Variants in DRC8 observed in about 807,000 individuals in gnomAD.
The protein encoded by DRC8 is dynein regulatory complex subunit 8.
At chr1:245,031,421 G>C in the DRC8 span, among the ~76,000 whole-genome samples, 1 of 151,858 alleles carries the variant, frequency 6.6e-6, no homozygotes, top group South Asian at 2.1e-4. Context: ...TTCTAGGCCC[G>C]GTCCATGGAA....
At chr1:245,052,239 G>T in the DRC8 span, among the ~76,000 whole-genome samples, 1 of 152,174 alleles carries the variant, frequency 6.6e-6, no homozygotes, top group Non-Finnish European at 1.5e-5. Flanking sequence ...CATAGGCCAC[G>T]CTTTTTTATT....
the DRC8 span, among the ~76,000 whole-genome samples, chr1:245,118,240 T>C: frequency 3.3e-5 from 5 of 152,048 alleles, no homozygotes; most frequent in African/African-American, 1.2e-4. Context: ...CATTTTGAGA[T>C]TGAAATCGCA....
the DRC8 span, among the ~76,000 whole-genome samples, chr1:245,036,153 A>C: frequency 6.6e-6 from 1 of 152,234 alleles, no homozygotes; most frequent in Non-Finnish European, 1.5e-5. Flanking sequence ...TAAGGGGTCT[A>C]GTACCTGTAA....
chr1:245,002,044 T>C, the DRC8 span: 2 of 1,214,910 alleles, frequency 1.6e-6, no homozygotes, highest in Admixed American at 2.1e-5. Flanking sequence ...GGATGATTTA[T>C]TTTTTCATCA....
At chr1:244,987,411 G>C in the DRC8 span, among the ~76,000 whole-genome samples, 3 of 151,860 alleles carry the variant, frequency 2.0e-5, no homozygotes, top group African/African-American at 7.3e-5. Context: ...CACCATGTTG[G>C]CCAGGCTGGT....
chr1:244,989,905 CCATT>C, the DRC8 span, among the ~76,000 whole-genome samples: 3,329 of 152,294 alleles, frequency 0.022, 138 homozygotes, highest in African/African-American at 0.076. Context: ...CAGAAATAAA[CCATT>C]CATTTTAAAT....
At chr1:245,080,194 T>A in the DRC8 span, among the ~76,000 whole-genome samples, 1 of 152,184 alleles carries the variant, frequency 6.6e-6, no homozygotes, top group Non-Finnish European at 1.5e-5. Flanking sequence ...ATCTGCTGAA[T>A]TGGGATCTTT....
chr1:245,077,846 G>T, the DRC8 span, among the ~76,000 whole-genome samples: 1 of 152,064 alleles, frequency 6.6e-6, no homozygotes, highest in Non-Finnish European at 1.5e-5. Flanking sequence ...AAGAGCACAG[G>T]CAACAAAAGC....
the DRC8 span, among the ~76,000 whole-genome samples, chr1:245,031,817 A>C: frequency 6.6e-6 from 1 of 151,972 alleles, no homozygotes; most frequent in African/African-American, 2.4e-5. Flanking sequence ...GGTATGGGAG[A>C]GCGACCATCG....
chr1:245,048,629 G>A, the DRC8 span, among the ~76,000 whole-genome samples: 1 of 151,828 alleles, frequency 6.6e-6, no homozygotes, highest in African/African-American at 2.4e-5. Flanking sequence ...CTCATGATCT[G>A]CCACATTTGT....
At chr1:245,009,751 GCCAC>G in the DRC8 span, among the ~76,000 whole-genome samples, 2 of 152,202 alleles carry the variant, frequency 1.3e-5, no homozygotes, top group African/African-American at 4.8e-5. Flanking sequence ...ACAGGCGTGA[GCCAC>G]TGCGCCCAGC....
chr1:244,994,503 C>T, the DRC8 span, among the ~76,000 whole-genome samples: 956 of 152,254 alleles, frequency 6.3e-3, 6 homozygotes, highest in Middle Eastern at 0.014. Flanking sequence ...AATCTCGGCT[C>T]ATTGTAACCT....
chr1:245,057,568 GTT>G, the DRC8 span, among the ~76,000 whole-genome samples: 1 of 151,846 alleles, frequency 6.6e-6, no homozygotes, highest in East Asian at 1.9e-4. Flanking sequence ...GCCAGATGTA[GTT>G]GGTGGCTGCT....
At chr1:244,979,180 C>T in the DRC8 span, among the ~76,000 whole-genome samples, 1 of 151,582 alleles carries the variant, frequency 6.6e-6, no homozygotes, top group African/African-American at 2.4e-5. Context: ...CTCTTAACTT[C>T]CAAAAGGATA....
At chr1:245,093,360 A>C in the DRC8 span, among the ~76,000 whole-genome samples, 2 of 152,158 alleles carry the variant, frequency 1.3e-5, no homozygotes, top group Non-Finnish European at 2.9e-5. Flanking sequence ...CATCTAGTGG[A>C]GAAAACACTC....
chr1:245,104,367 G>A, the DRC8 span, among the ~76,000 whole-genome samples: 198 of 152,150 alleles, frequency 1.3e-3, no homozygotes, highest in Middle Eastern at 6.8e-3. Flanking sequence ...AGCCGGGTGT[G>A]GTGGCGCATG....
chr1:244,977,167 A>G, the DRC8 span, among the ~76,000 whole-genome samples: 1 of 152,214 alleles, frequency 6.6e-6, no homozygotes, highest in African/African-American at 2.4e-5. Flanking sequence ...TAAGGAGTGT[A>G]GAGTTCCAGT....
At chr1:245,028,395 G>T in the DRC8 span, among the ~76,000 whole-genome samples, 2 of 152,270 alleles carry the variant, frequency 1.3e-5, no homozygotes, top group African/African-American at 4.8e-5. Flanking sequence ...TATTAGTGTG[G>T]AACTTTTCAA....
At chr1:245,086,958 A>G in the DRC8 span, 12 of 530,414 alleles carry the variant, frequency 2.3e-5, no homozygotes, top group East Asian at 1.2e-4. Context: ...AACCTTGTTC[A>G]TGATGTCTGT....
Sources: allele counts gnomAD v4.1 joint callset (sites outside exome capture counted in the v4.1 genomes callset), GRCh38; gene constraint gnomAD v4.1.1; transcripts MANE v1.5; gene names NCBI Gene and HGNC (gene_info 2026-07-23, HGNC 2026-07-21).